The following NEDD4 variants were observed in gnomAD, a reference collection of about 807,000 sequenced individuals.
NEDD4 encodes the protein E3 ubiquitin-protein ligase NEDD4.
NEDD4 carries 99 observed loss-of-function variants against 144.9 expected under a neutral mutation model. That is an observed-to-expected ratio of 0.68 (90% CI 0.58 to 0.81). The LOEUF (loss-of-function observed/expected upper bound fraction) is 0.81, where lower values mean the gene tolerates loss of function less well. Ranked by LOEUF, NEDD4 falls within the 30% of genes least tolerant of loss-of-function variation. The pLI is 0.00. For synonymous variants in NEDD4, 318 were observed against 350.6 expected (o/e 0.91, Z 1.04); for missense variants, 985 against 1,065.9 (o/e 0.92, Z 1.06).
chr15:55,952,212 T>C (rs1460338749), intron 2 of NEDD4, among the ~76,000 whole-genome samples: 1 of 151,718 alleles, frequency 6.6e-6, no homozygotes, highest in Non-Finnish European at 1.5e-5. Flanking sequence ...CAGGCACTTT[T>C]AGTCACAACT....
intron 27 of NEDD4, among the ~76,000 whole-genome samples, chr15:55,832,774 G>A (rs1409487069): frequency 6.6e-6 from 1 of 152,042 alleles, no homozygotes; most frequent in African/African-American, 2.4e-5. Context: ...GTTAAAGAAC[G>A]GAAAGTGACT....
chr15:55,926,153 G>A (rs1349456601), intron 4 of NEDD4, among the ~76,000 whole-genome samples: 1 of 152,010 alleles, frequency 6.6e-6, no homozygotes, highest in Non-Finnish European at 1.5e-5. Flanking sequence ...TGAATACTCT[G>A]TTCTATTCTA....
Position 55,833,009 on chromosome 15 carries a change from G to T in NEDD4, c.2526C>A (p.Tyr842Ter). 1 of 1,602,500 alleles carries T rather than the reference G, an allele frequency of 6.2e-7. No individual in the cohort carries two copies. The highest frequency in any genetic ancestry group is 8.5e-7 in the Non-Finnish European group (1 of 1,170,452). The change falls in exon 27 of 29, where the codon TAC (tyrosine) becomes TAA (stop). Residue 842 changes from tyrosine to a stop codon, truncating the protein, a stop_gained and splice_region_variant. Coordinates refer to ENST00000435532, the MANE Select transcript of NEDD4 (RefSeq NM_006154.4). LOFTEE classifies it high-confidence loss of function. ...RVPMNGFAEL[Y>*]GSNGPQSFTV... ...TAATGATCTATGGAAAATCCTTACC[G>T]TATAGTTCAGCAAATCCATTCATAG...
chr15:55,843,630 A>T (rs1566904314), intron 18 of NEDD4, among the ~76,000 whole-genome samples: 1 of 152,220 alleles, frequency 6.6e-6, no homozygotes, highest in Non-Finnish European at 1.5e-5. Context: ...CTAAGGAAAA[A>T]AAATCAATTT....
chr15:55,950,932 T>C (rs982547692), intron 4 of NEDD4, among the ~76,000 whole-genome samples: 4 of 152,080 alleles, frequency 2.6e-5, no homozygotes, highest in South Asian at 2.1e-4. Context: ...TGCTGAGGAA[T>C]TGGAAATAAC....
At chr15:55,943,607 C>T (rs2037048733) in intron 4 of NEDD4, among the ~76,000 whole-genome samples, 1 of 152,192 alleles carries the variant, frequency 6.6e-6, no homozygotes, top group Non-Finnish European at 1.5e-5. Context: ...GGAGCTCTTC[C>T]TAGATTTCAG....
At chr15:55,975,910 T>C (rs1324660649) in intron 1 of NEDD4, among the ~76,000 whole-genome samples, 4 of 152,140 alleles carry the variant, frequency 2.6e-5, no homozygotes, top group Non-Finnish European at 4.4e-5. Flanking sequence ...CAACACAACA[T>C]GGTATTGGCA....
chr15:55,870,556 C>A (rs2034755308), intron 7 of NEDD4, among the ~76,000 whole-genome samples: 2 of 141,216 alleles, frequency 1.4e-5, no homozygotes, highest in South Asian at 2.2e-4. Context: ...TGTTTTGAGA[C>A]AGCATCTCCC....
intron 2 of NEDD4, among the ~76,000 whole-genome samples, chr15:55,956,931 A>G (rs2037347404): frequency 6.6e-6 from 1 of 152,214 alleles, no homozygotes; most frequent in Admixed American, 6.5e-5. Flanking sequence ...TAATGAAAAC[A>G]GCATATGTAT....
chr15:55,933,821 G>A (rs1696565630), intron 4 of NEDD4, among the ~76,000 whole-genome samples: 1 of 152,212 alleles, frequency 6.6e-6, no homozygotes, highest in African/African-American at 2.4e-5. Context: ...TCTCAGCCAT[G>A]CTAAACTGTG....
rs1189064579 is a variant in NEDD4 at position 55,951,596 on chromosome 15, A to T, written c.120-7T>A. ...CACTCTCACGTAAGGATCACTGTTA[A>T]AAAAAAAAAAAAAAAGAAAGAAAAA... On this transcript the variant is annotated splice_region_variant and splice_polypyrimidine_tract_variant and intron_variant, in intron 2 of 28. Coordinates refer to ENST00000435532, the MANE Select transcript of NEDD4 (RefSeq NM_006154.4). The T allele has an allele frequency of 2.0e-5, 2 of 97,914 alleles. No homozygotes were observed. The highest frequency in any genetic ancestry group is 3.8e-3 in the Middle Eastern group (1 of 264). 6.1% of individuals were successfully genotyped at this position (97,914 alleles called of 1,614,324 possible).
At chr15:55,894,359 A>AT (rs1225931098) in intron 5 of NEDD4, among the ~76,000 whole-genome samples, 2 of 152,296 alleles carry the variant, frequency 1.3e-5, no homozygotes, top group Non-Finnish European at 2.9e-5. Context: ...TTATGGGAGG[A>AT]TGTGTGTAGG....
chr15:55,926,549 C>G (rs892939046), intron 4 of NEDD4, among the ~76,000 whole-genome samples: 2 of 152,176 alleles, frequency 1.3e-5, no homozygotes, highest in Non-Finnish European at 2.9e-5. Flanking sequence ...GGGAGGATCA[C>G]TTGAGCCCAG....
intron 5 of NEDD4, among the ~76,000 whole-genome samples, chr15:55,887,869 G>A (rs2142110692): frequency 6.6e-6 from 1 of 152,276 alleles, no homozygotes; most frequent in East Asian, 1.9e-4. Context: ...TCAACAGAAT[G>A]AAGTATTGAT....
At position 55,842,124 on chromosome 15, in the gene NEDD4, C is replaced by T; in HGVS notation, c.1648G>A (p.Ala550Thr). The T allele has an allele frequency of 1.2e-6, 2 of 1,614,148 alleles. No homozygotes were observed. Among genetic ancestry groups the T allele is most frequent in the Non-Finnish European group, 1.7e-6 (2 of 1,180,032 alleles). Residue 550 changes from alanine to threonine, a missense_variant, in exon 19 of 29, where the codon GCA (alanine) becomes ACA (threonine). Transcript: ENST00000435532. ...PNKFEMKLRR[A>T]TVLEDSYRRI... is the part of the protein sequence containing the mutation. The stretch of plus-strand genomic sequence containing the variant: ...CGGTAAGAGTCTTCAAGAACAGTTG[C>T]TCGGCGAAGTTTCATTTCAAATTTG...
rs376204569 is a variant in NEDD4, at chr15:55,993,592, C to G, written c.-37G>C. On this transcript the variant is annotated 5_prime_UTR_variant, in exon 1 of 29. Coordinates refer to ENST00000435532, the MANE Select transcript of NEDD4 (RefSeq NM_006154.4). ...TCCAGCAAACCGGACGCGCTCGCCC[C>G]CGCCCAGGGCAGGCAACTGTGGAGG... 13 of 1,586,334 alleles carry G rather than the reference C, an allele frequency of 8.2e-6. No homozygotes were observed. The African/African-American group carries it at 1.5e-4, about 19-fold the overall frequency.
At chr15:55,916,785 G>C (rs199985462) in intron 5 of NEDD4, 1 of 1,611,696 alleles carries the variant, frequency 6.2e-7, no homozygotes. Context: ...CAAAGGGTAA[G>C]TATTGCTTCT....
At chr15:55,951,657 A>C in intron 2 of NEDD4, 68 bp from the exon 3 acceptor site, 1 of 1,163,294 alleles carries the variant, frequency 8.6e-7, no homozygotes, top group South Asian at 2.0e-5. Flanking sequence ...CAGATTACCC[A>C]GACTATAAAA....
chr15:55,838,951 T>C (rs1163097048), intron 21 of NEDD4, among the ~76,000 whole-genome samples: 2 of 152,226 alleles, frequency 1.3e-5, no homozygotes, highest in Non-Finnish European at 2.9e-5. Flanking sequence ...CTAACTTCTC[T>C]GGATATCCAG....
Sources: allele counts gnomAD v4.1 joint callset (sites outside exome capture counted in the v4.1 genomes callset), GRCh38; gene constraint gnomAD v4.1.1; transcripts MANE v1.5; gene names NCBI Gene and HGNC (gene_info 2026-07-23, HGNC 2026-07-21).